ADARB2: variants seen among roughly 807,000 people sequenced by gnomAD.
ADARB2 encodes inactive double-stranded RNA-specific editase B2.
A neutral mutation model predicts 62.2 loss-of-function variants in ADARB2; 25 were observed. The ratio of observed to expected loss-of-function variants is 0.40; its 90% confidence interval spans 0.29 to 0.56. ADARB2 has a LOEUF of 0.56. ADARB2 is among the 20% of genes least tolerant of loss of function. The probability of loss-of-function intolerance (pLI) is 0.43; values close to 1 mark genes in which losing one functional copy is unlikely to be tolerated. For missense variants in ADARB2, 1,071 were observed against 1,077.4 expected (o/e 0.99, Z 0.08); for synonymous variants, 572 against 500.8 (o/e 1.14, Z -1.90).
chr10:1,495,899 A>G (rs1408423053), intron 1 of ADARB2, among the ~76,000 whole-genome samples: 1 of 152,080 alleles, frequency 6.6e-6, no homozygotes, highest in Non-Finnish European at 1.5e-5. Flanking sequence ...CTTCATTAGT[A>G]TCAACATTAT....
chr10:1,399,793 G>A (rs112926945), intron 1 of ADARB2, among the ~76,000 whole-genome samples: 2 of 152,334 alleles, frequency 1.3e-5, no homozygotes, highest in Non-Finnish European at 2.9e-5. Flanking sequence ...CTAGGACTAT[G>A]AGTAATAATA....
chr10:1,358,118 A>G (rs902119376), intron 3 of ADARB2, among the ~76,000 whole-genome samples: 3 of 152,246 alleles, frequency 2.0e-5, no homozygotes, highest in African/African-American at 7.2e-5. Flanking sequence ...TCTGGGCATC[A>G]AAGAAGTGGC....
At chr10:1,647,032 G>A (rs918916681) in intron 1 of ADARB2, among the ~76,000 whole-genome samples, 4 of 152,248 alleles carry the variant, frequency 2.6e-5, no homozygotes, top group Admixed American at 6.5e-5. Flanking sequence ...ACTGTGTGCC[G>A]TGTTGCCACC....
chr10:1,220,210 GTGA>G (rs1190243607), intron 6 of ADARB2, among the ~76,000 whole-genome samples: 8 of 147,408 alleles, frequency 5.4e-5, no homozygotes, highest in Admixed American at 2.7e-4. Context: ...GGTAATGGTG[GTGA>G]TGATGGTGAT....
chr10:1,515,108 T>C (rs563326253), intron 1 of ADARB2, among the ~76,000 whole-genome samples: 1 of 152,336 alleles, frequency 6.6e-6, no homozygotes, highest in South Asian at 2.1e-4. Flanking sequence ...GAAGACCTGT[T>C]GCAGCAGCGA....
intron 3 of ADARB2, among the ~76,000 whole-genome samples, chr10:1,348,061 A>G (rs190138176): frequency 6.6e-6 from 1 of 152,136 alleles, no homozygotes; most frequent in Admixed American, 6.5e-5. Flanking sequence ...AGACAGAGAC[A>G]GAGCGAAACA....
intron 3 of ADARB2, among the ~76,000 whole-genome samples, chr10:1,298,530 G>A (rs1190675001): frequency 6.6e-6 from 1 of 152,104 alleles, no homozygotes; most frequent in African/African-American, 2.4e-5. Flanking sequence ...CCTTGAGGGA[G>A]CCCAGAGAAG....
At chr10:1,455,456 C>A (rs1484681495) in intron 1 of ADARB2, among the ~76,000 whole-genome samples, 2 of 150,984 alleles carry the variant, frequency 1.3e-5, no homozygotes, top group Non-Finnish European at 3.0e-5. Flanking sequence ...TCTAAATGAA[C>A]AAAAATAAAA....
At chr10:1,375,873 G>A (rs1240794973) in intron 2 of ADARB2, among the ~76,000 whole-genome samples, 1 of 139,154 alleles carries the variant, frequency 7.2e-6, no homozygotes, top group Non-Finnish European at 1.5e-5. Flanking sequence ...TGACACACAT[G>A]CATGTGAACT....
intron 1 of ADARB2, among the ~76,000 whole-genome samples, chr10:1,416,161 G>A (rs766824343): frequency 2.6e-5 from 4 of 152,228 alleles, no homozygotes; most frequent in Non-Finnish European, 5.9e-5. Context: ...GGACTGGTCT[G>A]TGAATCACAT....
At chr10:1,421,960 G>T (rs1248586995) in intron 1 of ADARB2, among the ~76,000 whole-genome samples, 1 of 152,220 alleles carries the variant, frequency 6.6e-6, no homozygotes, top group Admixed American at 6.5e-5. Flanking sequence ...GAATACAGAG[G>T]AGAAGCAGCC....
At chr10:1,497,307 C>T (rs1019009618) in intron 1 of ADARB2, among the ~76,000 whole-genome samples, 2 of 152,142 alleles carry the variant, frequency 1.3e-5, no homozygotes, top group Non-Finnish European at 2.9e-5. Flanking sequence ...TTTGATTAGA[C>T]AATTCGTGCC....
At chr10:1,469,148 C>T (rs763383119) in intron 1 of ADARB2, among the ~76,000 whole-genome samples, 6 of 152,182 alleles carry the variant, frequency 3.9e-5, no homozygotes, top group Admixed American at 6.5e-5. Flanking sequence ...CTGAAAGAGT[C>T]GTTTCTATTA....
At chr10:1,688,544 G>T (rs1834626657) in intron 1 of ADARB2, among the ~76,000 whole-genome samples, 1 of 152,204 alleles carries the variant, frequency 6.6e-6, no homozygotes, top group South Asian at 2.1e-4. Context: ...TACATTGGTG[G>T]CTTGAAAACA....
At chr10:1,713,761 T>C (rs973469257) in intron 1 of ADARB2, among the ~76,000 whole-genome samples, 3 of 152,152 alleles carry the variant, frequency 2.0e-5, no homozygotes, top group African/African-American at 7.2e-5. Context: ...CATGGAAAGA[T>C]CAAAGTCACC....
intron 1 of ADARB2, among the ~76,000 whole-genome samples, chr10:1,599,439 G>A (rs917253943): frequency 9.9e-5 from 15 of 152,194 alleles, no homozygotes; most frequent in Non-Finnish European, 1.6e-4. Flanking sequence ...TACTGCCACT[G>A]TCATCACTAT....
chr10:1,523,111 G>A (rs1832094206), intron 1 of ADARB2, among the ~76,000 whole-genome samples: 1 of 152,174 alleles, frequency 6.6e-6, no homozygotes, highest in Non-Finnish European at 1.5e-5. Context: ...ATAACACTAT[G>A]TGACAAATCC....
chr10:1,462,265 C>T (rs942526385), intron 1 of ADARB2, among the ~76,000 whole-genome samples: 5 of 152,174 alleles, frequency 3.3e-5, no homozygotes, highest in Non-Finnish European at 1.5e-5. Flanking sequence ...CTTATGTCAC[C>T]TGTGTGTGTG....
At chr10:1,585,337 A>C (rs900016981) in intron 1 of ADARB2, among the ~76,000 whole-genome samples, 1 of 152,168 alleles carries the variant, frequency 6.6e-6, no homozygotes, top group South Asian at 2.1e-4. Context: ...TGGGAACTGC[A>C]TCGGACAAAC....
Sources: allele counts gnomAD v4.1 joint callset (sites outside exome capture counted in the v4.1 genomes callset), GRCh38; gene constraint gnomAD v4.1.1; transcripts MANE v1.5; gene names NCBI Gene and HGNC (gene_info 2026-07-23, HGNC 2026-07-21).